Variants in TBC1D5 observed in about 807,000 individuals in gnomAD.
TBC1D5 encodes TBC1 domain family member 5.
In TBC1D5, 75 loss-of-function variants were observed where a neutral mutation model predicts 100.3. That is an observed-to-expected ratio of 0.75 (90% CI 0.62 to 0.91). TBC1D5 has a LOEUF of 0.91. Ranked by LOEUF, TBC1D5 falls within the 40% of genes least tolerant of loss-of-function variation. TBC1D5 has a pLI of 0.00. For missense variants in TBC1D5, 910 were observed against 942.4 expected (o/e 0.97, Z 0.45); for synonymous variants, 323 against 325.6 (o/e 0.99, Z 0.09).
intron 2 of TBC1D5, among the ~76,000 whole-genome samples, chr3:17,563,763 GTTTTTGTTTTTTGT>G (rs778926795): frequency 5.9e-5 from 9 of 151,934 alleles, no homozygotes; most frequent in African/African-American, 1.7e-4. Flanking sequence ...TGTTGTTGTT[GTTTTTGTTTTTTGT>G]TTTTTGTTTT....
intron 13 of TBC1D5, among the ~76,000 whole-genome samples, chr3:17,329,304 G>A (rs2086589925): frequency 6.6e-6 from 1 of 152,182 alleles, no homozygotes; most frequent in South Asian, 2.1e-4. Context: ...TAGTATGACT[G>A]TGAGTATAAA....
chr3:17,282,271 G>A (rs2733517), intron 15 of TBC1D5, among the ~76,000 whole-genome samples: 61,579 of 152,000 alleles, frequency 0.41, 13,113 homozygotes, highest in Middle Eastern at 0.5. Context: ...CATTCATTTC[G>A]CTGTAATGCA....
intron 2 of TBC1D5, among the ~76,000 whole-genome samples, chr3:17,515,639 G>A (rs1443975809): frequency 6.6e-6 from 1 of 152,044 alleles, no homozygotes; most frequent in Non-Finnish European, 1.5e-5. Flanking sequence ...AGAATTATAG[G>A]GTAGTTTCCT....
chr3:17,185,895 A>G (rs2068985599), intron 18 of TBC1D5, among the ~76,000 whole-genome samples: 1 of 151,986 alleles, frequency 6.6e-6, no homozygotes, highest in African/African-American at 2.4e-5. Flanking sequence ...TCTGGGTTGA[A>G]TAATTATCTA....
intron 3 of TBC1D5, among the ~76,000 whole-genome samples, chr3:17,488,169 G>A (rs570292699): frequency 5.3e-4 from 81 of 152,160 alleles, no homozygotes; most frequent in Middle Eastern, 3.4e-3. Flanking sequence ...GGCAACCATC[G>A]ATGTTTTTAC....
chr3:17,526,614 A>C (rs2096139300), intron 2 of TBC1D5, among the ~76,000 whole-genome samples: 1 of 152,184 alleles, frequency 6.6e-6, no homozygotes, highest in African/African-American at 2.4e-5. Context: ...CTCACACGTA[A>C]AATGGTGAAT....
At chr3:17,243,909 T>G (rs1424239085) in intron 16 of TBC1D5, among the ~76,000 whole-genome samples, 1 of 152,010 alleles carries the variant, frequency 6.6e-6, no homozygotes, top group Non-Finnish European at 1.5e-5. Context: ...TCTGAAAGAT[T>G]TGAGTTGTGT....
intron 8 of TBC1D5, among the ~76,000 whole-genome samples, chr3:17,399,255 C>G (rs7614318): frequency 0.51 from 76,709 of 151,812 alleles, 21,225 homozygotes; most frequent in African/African-American, 0.71. Flanking sequence ...GATTATAAAT[C>G]TGCTTTGAGT....
chr3:17,164,221 G>A (rs993094842), intron 21 of TBC1D5, among the ~76,000 whole-genome samples: 2 of 152,192 alleles, frequency 1.3e-5, no homozygotes, highest in Non-Finnish European at 2.9e-5. Flanking sequence ...TCCCACAAAG[G>A]AAGAACACTT....
intron 2 of TBC1D5, among the ~76,000 whole-genome samples, chr3:17,577,533 T>C (rs868464976): frequency 1.3e-5 from 2 of 152,072 alleles, no homozygotes; most frequent in Middle Eastern, 6.8e-3. Context: ...TCTGAACAAA[T>C]TAATTTTCAT....
At chr3:17,318,849 G>A (rs1457341408) in intron 13 of TBC1D5, among the ~76,000 whole-genome samples, 1 of 152,114 alleles carries the variant, frequency 6.6e-6, no homozygotes, top group African/African-American at 2.4e-5. Flanking sequence ...TAGAAGAAAT[G>A]GTGCTTTCTG....
intron 1 of TBC1D5, among the ~76,000 whole-genome samples, chr3:17,631,686 C>A (rs906995245): frequency 5.3e-5 from 8 of 152,182 alleles, no homozygotes; most frequent in African/African-American, 1.9e-4. Flanking sequence ...AATCTTCAAG[C>A]CCTTAAGAGT....
At chr3:17,375,112 C>T (rs1295799228) in intron 10 of TBC1D5, among the ~76,000 whole-genome samples, 2 of 152,078 alleles carry the variant, frequency 1.3e-5, no homozygotes, top group Non-Finnish European at 2.9e-5. Flanking sequence ...GTGACAACAC[C>T]TCTTAAGCAT....
chr3:17,376,712 C>G (rs2092725519), intron 9 of TBC1D5, 99 bp from the exon 10 acceptor site: 3 of 932,700 alleles, frequency 3.2e-6, no homozygotes, highest in South Asian at 2.6e-5. Context: ...CCAATTCCCA[C>G]TAGCAAAATT....
At chr3:17,255,436 G>A (rs1015933605) in intron 16 of TBC1D5, among the ~76,000 whole-genome samples, 2 of 151,978 alleles carry the variant, frequency 1.3e-5, no homozygotes, top group South Asian at 2.1e-4. Flanking sequence ...TCCTGACTTC[G>A]TGATCTGCCC....
At chr3:17,605,468 T>G (rs1358250747) in intron 2 of TBC1D5, among the ~76,000 whole-genome samples, 1 of 152,206 alleles carries the variant, frequency 6.6e-6, no homozygotes, top group Non-Finnish European at 1.5e-5. Context: ...ACTAGAATGC[T>G]GCTCAGCAGC....
chr3:17,694,271 C>T (rs144485272), intron 1 of TBC1D5, among the ~76,000 whole-genome samples: 1,699 of 152,286 alleles, frequency 0.011, 28 homozygotes, highest in African/African-American at 0.037. Flanking sequence ...AAGTAGGCTT[C>T]AGAAGGTCAG....
At chr3:17,390,241 ACCAGGAAC>A (rs1238107832) in intron 8 of TBC1D5, among the ~76,000 whole-genome samples, 2 of 152,256 alleles carry the variant, frequency 1.3e-5, no homozygotes, top group Admixed American at 6.5e-5. Context: ...AGCCCCAATA[ACCAGGAAC>A]CCAGGTGCCT....
chr3:17,553,129 G>A (rs564471876), intron 2 of TBC1D5, among the ~76,000 whole-genome samples: 20 of 152,206 alleles, frequency 1.3e-4, no homozygotes, highest in African/African-American at 4.6e-4. Context: ...TCAGACAAAA[G>A]AGAGATGGGT....
Sources: allele counts gnomAD v4.1 joint callset (sites outside exome capture counted in the v4.1 genomes callset), GRCh38; gene constraint gnomAD v4.1.1; transcripts MANE v1.5; gene names NCBI Gene and HGNC (gene_info 2026-07-23, HGNC 2026-07-21).